Variants in ARFGEF3 observed in about 807,000 individuals in gnomAD.
ARFGEF3 encodes brefeldin A-inhibited guanine nucleotide-exchange protein 3.
ARFGEF3 carries 96 observed loss-of-function variants against 221.7 expected under a neutral mutation model. That is an observed-to-expected ratio of 0.43 (90% CI 0.37 to 0.51). ARFGEF3 has a LOEUF of 0.51. ARFGEF3 is among the 20% of genes least tolerant of loss of function. ARFGEF3 has a pLI of 0.00. For missense variants in ARFGEF3, 2,410 were observed against 2,789.9 expected, an observed-to-expected ratio of 0.86 and a Z score of 3.07; for synonymous variants, 1,145 against 1,126.8, an observed-to-expected ratio of 1.02 and a Z score of -0.32.
At chr6:138,181,312 T>C (rs1488673986) in intron 2 of ARFGEF3, among the ~76,000 whole-genome samples, 1 of 152,234 alleles carries the variant, frequency 6.6e-6, no homozygotes, top group Admixed American at 6.5e-5. Context: ...AAACAAGCCA[T>C]GGCCACTCAT....
At chr6:138,312,363 A>C (rs1445470076) in intron 25 of ARFGEF3, among the ~76,000 whole-genome samples, 1 of 151,920 alleles carries the variant, frequency 6.6e-6, no homozygotes, top group African/African-American at 2.4e-5. Flanking sequence ...ATCTATGTAC[A>C]ACCTCTTCCT....
chr6:138,301,006 A>G (rs928085920), intron 22 of ARFGEF3, among the ~76,000 whole-genome samples: 4 of 152,246 alleles, frequency 2.6e-5, no homozygotes, highest in African/African-American at 9.6e-5. Flanking sequence ...TTAGGAAATA[A>G]CATGTCATTG....
chr6:138,335,127 G>A lies in ARFGEF3; in HGVS notation c.6281G>A (p.Arg2094His), dbSNP rs1207079330. The change falls in exon 33 of 34, where the codon CGC becomes CAC. Residue 2094 changes from arginine (R) to histidine (H), a missense_variant. Arg to His is a conservative substitution (Grantham distance 29). Transcript: ENST00000251691. The stretch of plus-strand genomic sequence containing the variant: ...CTGCTGCGACAGGACAAGAGGCCCC[G>A]CTCAGGCTCCACCGGGAGCTCCCTC... ...PELLRQDKRPRSGSTGSSLSV... is the reference protein window; with the variant it reads ...PELLRQDKRPHSGSTGSSLSV... 36 of 1,595,944 alleles carry A rather than the reference G, an allele frequency of 2.3e-5. No homozygotes were observed. Among genetic ancestry groups the A allele is most frequent in the Non-Finnish European group, 3.0e-5 (35 of 1,173,282 alleles).
chr6:138,319,630 C>T, intron 27 of ARFGEF3, 73 bp from the exon 28 acceptor site: 2 of 1,083,206 alleles, frequency 1.8e-6, no homozygotes, highest in Admixed American at 2.5e-5. Context: ...CCAAAGAGAT[C>T]AACAATGCCA....
At chr6:138,199,140 G>A (rs140254467) in intron 2 of ARFGEF3, among the ~76,000 whole-genome samples, 5 of 152,278 alleles carry the variant, frequency 3.3e-5, no homozygotes, top group African/African-American at 7.2e-5. Context: ...ATTTGCAAAC[G>A]TATGACCTTG....
At chr6:138,172,389 C>T (rs773184066) in intron 2 of ARFGEF3, among the ~76,000 whole-genome samples, 18 of 152,208 alleles carry the variant, frequency 1.2e-4, no homozygotes, top group Non-Finnish European at 2.4e-4. Context: ...TGTCACTCTG[C>T]TCCTACTTGT....
At chr6:138,333,540 C>G (rs748072878) in intron 32 of ARFGEF3, among the ~76,000 whole-genome samples, 1 of 152,178 alleles carries the variant, frequency 6.6e-6, no homozygotes, top group Non-Finnish European at 1.5e-5. Flanking sequence ...CTCCCGGGTT[C>G]ATGCCATTCT....
At chr6:138,261,444 GT>G (rs571549594) in intron 10 of ARFGEF3, 82 bp from the exon 11 acceptor site, 16 of 776,140 alleles carry the variant, frequency 2.1e-5, no homozygotes, top group Non-Finnish European at 2.7e-5. Flanking sequence ...GAAAGTACAT[GT>G]TTTTTTGATC....
chr6:138,275,348 C>T (rs541561152), intron 12 of ARFGEF3, among the ~76,000 whole-genome samples: 4 of 151,880 alleles, frequency 2.6e-5, no homozygotes, highest in African/African-American at 9.7e-5. Context: ...ATGCTTAGTC[C>T]CACCAAAAAA....
intron 22 of ARFGEF3, among the ~76,000 whole-genome samples, chr6:138,306,359 C>T (rs1361619423): frequency 6.6e-6 from 1 of 152,028 alleles, no homozygotes; most frequent in African/African-American, 2.4e-5. Context: ...GATTGAAAGA[C>T]TCAATATTTT....
At chr6:138,299,099 A>G (rs1332752471) in intron 22 of ARFGEF3, among the ~76,000 whole-genome samples, 5 of 149,454 alleles carry the variant, frequency 3.3e-5, no homozygotes, top group Admixed American at 1.4e-4. Context: ...TCAGGAGGCT[A>G]AGGCAGGAGA....
rs753881980 is a variant in ARFGEF3 at position 138,334,789 on chromosome 6, C to T, written c.5943C>T (p.Ala1981=). 3.7e-6 allele frequency: 6 copies of T among 1,606,786 alleles called. No homozygotes were observed. Among genetic ancestry groups the T allele is most frequent in the East Asian group, 4.5e-5 (2 of 44,462 alleles). Residue 1981 remains alanine, a synonymous_variant, in exon 33 of 34, where the codon GCC becomes GCT. Coordinates refer to ENST00000251691, the MANE Select transcript of ARFGEF3 (RefSeq NM_020340.5). This position sits in a 1 kb window ranked among gnomAD's most constrained non-coding sequence, Gnocchi z 5.1. The stretch of plus-strand genomic sequence containing the variant: ...TGGGCGAGTCCCTGAGCCTGAAGGC[C>T]GGTGGTGGGGACCTGCTGCTGCCCC... ...EHMGESLSLK[A]GGGDLLLPPS...
chr6:138,191,950 T>C (rs545679856), intron 2 of ARFGEF3, among the ~76,000 whole-genome samples: 10 of 152,156 alleles, frequency 6.6e-5, no homozygotes, highest in Non-Finnish European at 1.0e-4. Context: ...AAGGCAACTG[T>C]GATAATCAGA....
chr6:138,210,076 G>A (rs1777696939), intron 4 of ARFGEF3, 35 bp downstream of exon 4: 4 of 1,606,254 alleles, frequency 2.5e-6, no homozygotes, highest in Admixed American at 1.7e-5. Flanking sequence ...TGCGTCACTG[G>A]GACAGGAACA....
intron 3 of ARFGEF3, among the ~76,000 whole-genome samples, chr6:138,208,379 G>T (rs1288434584): frequency 6.7e-6 from 1 of 149,266 alleles, no homozygotes; most frequent in East Asian, 1.9e-4. Flanking sequence ...ACATGATTCT[G>T]AAAAAAAAAA....
chr6:138,200,129 A>G (rs1777506100), intron 2 of ARFGEF3, among the ~76,000 whole-genome samples: 1 of 152,164 alleles, frequency 6.6e-6, no homozygotes, highest in Admixed American at 6.6e-5. Flanking sequence ...ATCTATTGAG[A>G]TGATCATGTG....
At chr6:138,233,898 C>G (rs966972419) in intron 5 of ARFGEF3, among the ~76,000 whole-genome samples, 6 of 152,236 alleles carry the variant, frequency 3.9e-5, no homozygotes, top group Middle Eastern at 3.4e-3. Flanking sequence ...GGAAGCAGGA[C>G]CACGGCCTCA....
Position 138,186,902 on chromosome 6 carries a change from C to CTT in ARFGEF3, c.137+16218_137+16219dup, listed in dbSNP as rs71693484. Among the ~76,000 whole-genome samples the CTT allele has an allele frequency of 2.3e-3, 177 of 76,052 alleles. 11 individuals are homozygous for CTT. The highest frequency in any genetic ancestry group is 8.4e-3 in the African/African-American group (157 of 18,618). The allele number at this position is 76,052 out of a possible 152,430, so 49.9% of individuals were successfully genotyped here. On this transcript the variant is annotated intron_variant, in intron 2 of 33. Transcript: ENST00000251691. ...ACGAGTTATTCCTCTCATCCTTTTT[C>CTT]TTTTTTTTTTTTTTTTTTTTTTTTT...
At chr6:138,187,962 C>A (rs1777220447) in intron 2 of ARFGEF3, among the ~76,000 whole-genome samples, 1 of 152,078 alleles carries the variant, frequency 6.6e-6, no homozygotes, top group African/African-American at 2.4e-5. Flanking sequence ...GGGGTTTAAT[C>A]TAGGGAAAGG....
Sources: gnomAD v4.1 joint callset for allele counts (sites outside exome capture counted in the v4.1 genomes callset) on GRCh38, gnomAD v4.1.1 for gene constraint, Gnocchi (gnomAD v3.1) non-coding constraint, MANE v1.5 for transcripts, NCBI Gene and HGNC (gene_info 2026-07-23, HGNC 2026-07-21) for gene names.